The following IMMP2L variants were observed in gnomAD, a reference collection of about 807,000 sequenced individuals.
IMMP2L encodes mitochondrial inner membrane protease subunit 2.
A neutral mutation model predicts 19.3 loss-of-function variants in IMMP2L; 18 were observed. The ratio of observed to expected loss-of-function variants is 0.93; its 90% CI spans 0.64 to 1.38. The LOEUF (loss-of-function observed/expected upper bound fraction) is 1.38, where lower values mean the gene tolerates loss of function less well. Ranked by LOEUF, IMMP2L falls within the 40% of genes most tolerant of loss-of-function variation. The pLI is 0.00. For missense variants in IMMP2L, 233 were observed against 218.2 expected (o/e 1.07, Z -0.43); for synonymous variants, 76 against 73.0 (o/e 1.04, Z -0.21).
At chr7:110,967,744 T>G (rs1165352640) in intron 3 of IMMP2L, among the ~76,000 whole-genome samples, 1 of 152,142 alleles carries the variant, frequency 6.6e-6, no homozygotes, top group Admixed American at 6.6e-5. Flanking sequence ...TCCTAAAGGA[T>G]AAAGCATGCA....
chr7:111,238,396 A>G (rs1264785831), intron 3 of IMMP2L, among the ~76,000 whole-genome samples: 1 of 152,064 alleles, frequency 6.6e-6, no homozygotes, highest in African/African-American at 2.4e-5. Context: ...GACAATAGTA[A>G]TAATTACTAC....
In IMMP2L at chr7:111,469,327, T is replaced by A. The variant is rs1319312350; in HGVS notation, c.239+17911A>T. On this transcript the variant is annotated intron_variant, in intron 3 of 5. Transcript: ENST00000405709. Reference sequence around the variant, plus strand: ...GTAGCTTGATGGGGATGGCACTGAATCTATAAATTACCTTGGGCAGTATGG... The same window carrying A: ...GTAGCTTGATGGGGATGGCACTGAAACTATAAATTACCTTGGGCAGTATGG... Among the ~76,000 whole-genome samples, 5 of 152,244 alleles carry A rather than the reference T, an allele frequency of 3.3e-5. No individual in the cohort carries two copies. In the East Asian group the frequency reaches 9.6e-4, roughly 29 times the overall value.
chr7:111,052,049 A>G (rs1793054708), intron 3 of IMMP2L, among the ~76,000 whole-genome samples: 1 of 152,244 alleles, frequency 6.6e-6, no homozygotes, highest in Non-Finnish European at 1.5e-5. Context: ...GAATGACAAA[A>G]CAGATTCTTT....
At chr7:111,306,931 C>T (rs1289057184) in intron 3 of IMMP2L, among the ~76,000 whole-genome samples, 1 of 150,788 alleles carries the variant, frequency 6.6e-6, no homozygotes, top group Non-Finnish European at 1.5e-5. Flanking sequence ...AATTATCTCT[C>T]ATTATTAAAA....
Position 111,149,663 on chromosome 7 carries a change from T to C in IMMP2L, c.240-186098A>G, listed in dbSNP as rs937755397. ...TGTCCAAAAAATTTTCCAACATATA[T>C]AGGAAAAAATCCACGTACAGACGGA... On this transcript the variant is annotated intron_variant, in intron 3 of 5. Transcript: ENST00000405709. 3.9e-5 allele frequency among the ~76,000 whole-genome samples: 6 copies of C among 152,122 alleles called. 1 individual carries two copies. The South Asian group carries it at 6.2e-4, about 16-fold the overall frequency.
At chr7:111,077,969 T>C (rs1795557947) in intron 3 of IMMP2L, among the ~76,000 whole-genome samples, 1 of 152,224 alleles carries the variant, frequency 6.6e-6, no homozygotes, top group African/African-American at 2.4e-5. Flanking sequence ...TGCTCAAATG[T>C]TACCTTCTAA....
rs1431557695 is a variant in IMMP2L at position 110,870,693 on chromosome 7, A to G, written c.408+15900T>C. Among the ~76,000 whole-genome samples, 2 of 152,166 alleles carry G rather than the reference A, an allele frequency of 1.3e-5. No homozygotes were observed. Among genetic ancestry groups the G allele is most frequent in the African/African-American group, 4.8e-5 (2 of 41,456 alleles). On this transcript the variant is annotated intron_variant, in intron 5 of 5. Coordinates refer to ENST00000405709, the MANE Select transcript of IMMP2L (RefSeq NM_032549.4). The surrounding 1 kb of genome is among the most constrained non-coding windows in gnomAD (Gnocchi z 4.2). ...AGAATTCAAGGAAGAGGATCTAGCT[A>G]GGACAAAAGGCCTTTCACCTGTTCA...
chr7:111,342,451 G>A (rs1010295473), intron 3 of IMMP2L, among the ~76,000 whole-genome samples: 1 of 151,906 alleles, frequency 6.6e-6, no homozygotes, highest in Non-Finnish European at 1.5e-5. Flanking sequence ...AATTAGCTGG[G>A]CGTGGTGGCA....
intron 5 of IMMP2L, among the ~76,000 whole-genome samples, chr7:110,884,741 T>A (rs184058257): frequency 6.6e-4 from 101 of 152,182 alleles, no homozygotes; most frequent in Non-Finnish European, 1.2e-3. Flanking sequence ...CTAAAACATT[T>A]CCAATCTGTT....
intron 5 of IMMP2L, among the ~76,000 whole-genome samples, chr7:110,723,203 T>C (rs1795683824): frequency 6.6e-6 from 1 of 152,192 alleles, no homozygotes; most frequent in Non-Finnish European, 1.5e-5. Context: ...CAAATTGTAT[T>C]ATGATTGGGA....
chr7:110,860,399 G>A (rs947035975), intron 5 of IMMP2L, among the ~76,000 whole-genome samples: 3 of 151,960 alleles, frequency 2.0e-5, no homozygotes, highest in Non-Finnish European at 4.4e-5. Flanking sequence ...TTACTTAAAA[G>A]GCAATGTCAT....
At chr7:110,766,055 T>C (rs1798637900) in intron 5 of IMMP2L, among the ~76,000 whole-genome samples, 1 of 152,214 alleles carries the variant, frequency 6.6e-6, no homozygotes, top group African/African-American at 2.4e-5. Context: ...CTATAATTTA[T>C]TGACCACGTA....
At chr7:111,546,220 A>G (rs2133034838) in intron 1 of IMMP2L, among the ~76,000 whole-genome samples, 1 of 152,238 alleles carries the variant, frequency 6.6e-6, no homozygotes, top group Non-Finnish European at 1.5e-5. Context: ...TAGAAAACTT[A>G]AATGCTATAT....
At chr7:110,891,905 T>C (rs1432887381) in intron 4 of IMMP2L, among the ~76,000 whole-genome samples, 1 of 152,062 alleles carries the variant, frequency 6.6e-6, no homozygotes, top group Non-Finnish European at 1.5e-5. Flanking sequence ...GTAATCAAAG[T>C]TCCAAAGAAA....
chr7:111,561,486 A>G lies in IMMP2L; in HGVS notation c.-3+365T>C, dbSNP rs1221361507. Among the ~76,000 whole-genome samples the G allele has an allele frequency of 2.6e-5, 4 of 152,132 alleles. No individual in the cohort carries two copies. In the South Asian group the frequency reaches 8.3e-4, roughly 32 times the overall value. On this transcript the variant is annotated intron_variant, in intron 1 of 5. Transcript: ENST00000405709. ...TTATCAAACAGGACCTGGATTCTTT[A>G]GTGCTATGGTCTCAGGGATTAGTCA...
At chr7:110,822,981 A>T (rs940981863) in intron 5 of IMMP2L, among the ~76,000 whole-genome samples, 1 of 152,118 alleles carries the variant, frequency 6.6e-6, no homozygotes, top group Non-Finnish European at 1.5e-5. Flanking sequence ...ATGAGTAAAT[A>T]AATGAGGCCG....
intron 3 of IMMP2L, among the ~76,000 whole-genome samples, chr7:111,365,342 G>T (rs1277088033): frequency 6.6e-6 from 1 of 151,968 alleles, no homozygotes; most frequent in Non-Finnish European, 1.5e-5. Context: ...TTTCAATAAT[G>T]CCACATCATA....
intron 3 of IMMP2L, among the ~76,000 whole-genome samples, chr7:111,040,902 C>G (rs953467751): frequency 2.0e-5 from 3 of 151,622 alleles, no homozygotes; most frequent in Non-Finnish European, 4.4e-5. Context: ...AGTTACATCA[C>G]TTATAAATTT....
chr7:110,949,051 T>C (rs1817531067), intron 4 of IMMP2L, among the ~76,000 whole-genome samples: 1 of 152,188 alleles, frequency 6.6e-6, no homozygotes, highest in Admixed American at 6.5e-5. Context: ...AGTTACACCG[T>C]TGGCTTCCCT....
Sources: allele counts gnomAD v4.1 joint callset (sites outside exome capture counted in the v4.1 genomes callset), GRCh38; gene constraint gnomAD v4.1.1; non-coding constraint Gnocchi (gnomAD v3.1); transcripts MANE v1.5; gene names NCBI Gene and HGNC (gene_info 2026-07-23, HGNC 2026-07-21).